Variants in DCAF5 observed in about 807,000 individuals in gnomAD.
DCAF5 encodes the protein DDB1- and CUL4-associated factor 5.
In DCAF5, 9 loss-of-function variants were observed where a neutral mutation model predicts 80.7. The observed-to-expected ratio is 0.11, with a 90% confidence interval of 0.07 to 0.19. The LOEUF (loss-of-function observed/expected upper bound fraction) is 0.19, where lower values mean the gene tolerates loss of function less well. Among genes scored for constraint, DCAF5 ranks in the 10% least tolerant of loss-of-function variants. DCAF5 has a pLI of 1.00. For synonymous variants in DCAF5, 433 were observed against 461.9 expected (o/e 0.94, Z 0.80); for missense variants, 842 against 1,205.7 (o/e 0.70, Z 4.47).
chr14:69,053,801 ATT>A lies in DCAF5; in HGVS notation c.*54_*55del, dbSNP rs57470426. On this transcript the variant is annotated 3_prime_UTR_variant, in exon 9 of 9. Transcript: ENST00000341516. ...TCCTTTCCTCTGTATTCACTAAACA[ATT>A]TTTTTTTTTTTGTAAGGCTACTTTT... 0.017 allele frequency: 21,496 copies of A among 1,235,974 alleles called. 64 individuals are homozygous for A. Among genetic ancestry groups the A allele is most frequent in the East Asian group, 0.041 (1,280 of 30,860 alleles). 76.6% of individuals were successfully genotyped at this position (1,235,974 alleles called of 1,614,324 possible).
At chr14:69,067,200 A>G (rs1231869396) in intron 7 of DCAF5, among the ~76,000 whole-genome samples, 1 of 152,162 alleles carries the variant, frequency 6.6e-6, no homozygotes, top group African/African-American at 2.4e-5. Flanking sequence ...TTTTTAATAA[A>G]TATATGATGA....
chr14:69,134,558 G>C (rs183579759), intron 1 of DCAF5, among the ~76,000 whole-genome samples: 1 of 152,110 alleles, frequency 6.6e-6, no homozygotes, highest in Non-Finnish European at 1.5e-5. Flanking sequence ...ATGCAAACAG[G>C]GTTAACTAGG....
chr14:69,122,605 T>C (rs1026220277), intron 1 of DCAF5, among the ~76,000 whole-genome samples: 1 of 152,204 alleles, frequency 6.6e-6, no homozygotes, highest in African/African-American at 2.4e-5. Flanking sequence ...GGATAAGCAC[T>C]GATATTGAGA....
chr14:69,059,109 A>G (rs1247034730), intron 8 of DCAF5, among the ~76,000 whole-genome samples: 2 of 152,088 alleles, frequency 1.3e-5, no homozygotes, highest in Non-Finnish European at 2.9e-5. Flanking sequence ...ATTTTTGGGA[A>G]AGGGTCTCAC....
chr14:69,121,356 A>C (rs1367932752), intron 2 of DCAF5, among the ~76,000 whole-genome samples: 1 of 152,174 alleles, frequency 6.6e-6, no homozygotes, highest in Non-Finnish European at 1.5e-5. Flanking sequence ...TTCAAGATAG[A>C]CCTGACAGGA....
chr14:69,086,423 T>C (rs1334712313), intron 6 of DCAF5, among the ~76,000 whole-genome samples: 2 of 150,800 alleles, frequency 1.3e-5, no homozygotes, highest in South Asian at 4.2e-4. Context: ...CTTTACAAGT[T>C]AAAGGGCTAA....
chr14:69,084,307 C>A, intron 6 of DCAF5: 1 of 952,492 alleles, frequency 1.0e-6, no homozygotes, highest in Non-Finnish European at 1.7e-6. Flanking sequence ...TCACACCAGG[C>A]TGTCTGCTGG....
At chr14:69,090,117 C>G in intron 6 of DCAF5, 1 of 984,918 alleles carries the variant, frequency 1.0e-6, no homozygotes, top group African/African-American at 1.7e-5. Flanking sequence ...TTCAACAAAA[C>G]AAGAATTACA....
chr14:69,104,354 A>G (rs1046265164), intron 5 of DCAF5, among the ~76,000 whole-genome samples: 2 of 152,166 alleles, frequency 1.3e-5, no homozygotes, highest in Admixed American at 6.5e-5. Context: ...GGATACACAC[A>G]TCATCAATGA....
intron 6 of DCAF5, among the ~76,000 whole-genome samples, chr14:69,078,874 CTT>C (rs968533528): frequency 6.7e-6 from 1 of 149,294 alleles, no homozygotes; most frequent in South Asian, 2.1e-4. Context: ...TTAATGTACA[CTT>C]TTTTTTTTGA....
At chr14:69,143,722 A>T (rs2041448137) in intron 1 of DCAF5, 1 of 152,530 alleles carries the variant, frequency 6.6e-6, no homozygotes, top group African/African-American at 2.4e-5. Context: ...GTGGCGACTA[A>T]TAAGTACTAA....
chr14:69,129,785 G>A (rs916721889), intron 1 of DCAF5, among the ~76,000 whole-genome samples: 2 of 152,192 alleles, frequency 1.3e-5, no homozygotes, highest in African/African-American at 2.4e-5. Context: ...TTCTCGGGAA[G>A]GCTAGGCCTT....
chr14:69,064,962 AC>A (rs1035811428), intron 7 of DCAF5, among the ~76,000 whole-genome samples: 2 of 152,244 alleles, frequency 1.3e-5, no homozygotes, highest in Non-Finnish European at 2.9e-5. Context: ...AAGTGCATCA[AC>A]CAAACCAATC....
intron 5 of DCAF5, among the ~76,000 whole-genome samples, chr14:69,102,922 A>G (rs2040014647): frequency 6.6e-6 from 1 of 152,194 alleles, no homozygotes; most frequent in South Asian, 2.1e-4. Context: ...TATGTACTAC[A>G]CTTTTATACG....
At chr14:69,083,756 C>CA (rs1310061098) in intron 6 of DCAF5, 15 of 669,974 alleles carry the variant, frequency 2.2e-5, no homozygotes, top group Non-Finnish European at 3.6e-5. Flanking sequence ...GAGTCTGATA[C>CA]AAAAAAAGCA....
chr14:69,120,359 C>T (rs1371124247), intron 2 of DCAF5, among the ~76,000 whole-genome samples: 1 of 152,160 alleles, frequency 6.6e-6, no homozygotes, highest in African/African-American at 2.4e-5. Context: ...CTTGGCCTCT[C>T]AAAGTGTTGG....
chr14:69,093,842 C>G (rs942611361), intron 5 of DCAF5, among the ~76,000 whole-genome samples: 3 of 152,154 alleles, frequency 2.0e-5, no homozygotes, highest in African/African-American at 4.8e-5. Flanking sequence ...TTCCAGACAT[C>G]AAGGAGGGGC....
chr14:69,061,475 C>T (rs954976116), intron 8 of DCAF5, among the ~76,000 whole-genome samples: 7 of 152,214 alleles, frequency 4.6e-5, no homozygotes, highest in African/African-American at 1.7e-4. Context: ...GGACACAGGC[C>T]AGGCTAGGAC....
At chr14:69,074,629 T>A (rs1169585190) in intron 7 of DCAF5, among the ~76,000 whole-genome samples, 1 of 152,142 alleles carries the variant, frequency 6.6e-6, no homozygotes, top group Non-Finnish European at 1.5e-5. Flanking sequence ...TTAGTTAACA[T>A]GACCAGGGAG....
Sources: gnomAD v4.1 joint callset for allele counts (sites outside exome capture counted in the v4.1 genomes callset) on GRCh38, gnomAD v4.1.1 for gene constraint, MANE v1.5 for transcripts, NCBI Gene and HGNC (gene_info 2026-07-23, HGNC 2026-07-21) for gene names.